Variants in GUCA1C observed in about 807,000 individuals in gnomAD.
GUCA1C encodes the protein guanylyl cyclase-activating protein 3.
A neutral mutation model predicts 16.2 loss-of-function variants in GUCA1C; 15 were observed. The ratio of observed to expected loss-of-function variants is 0.93; its 90% confidence interval spans 0.62 to 1.43. GUCA1C has a LOEUF of 1.43. Among genes scored for constraint, GUCA1C ranks in the 40% most tolerant of loss-of-function variants. The probability of loss-of-function intolerance (pLI) is 0.00; values close to 1 mark genes in which losing one functional copy is unlikely to be tolerated. For missense variants in GUCA1C, 275 were observed against 244.8 expected (o/e 1.12, Z -0.82); for synonymous variants, 78 against 85.4 (o/e 0.91, Z 0.48).
chr3:108,908,551 CAGAT>C lies in GUCA1C; in HGVS notation c.443-346_443-343del, dbSNP rs573898161. On this transcript the variant is annotated intron_variant, in intron 3 of 3. Transcript: ENST00000261047. ...ATATGACCAAGTCTTAGGAGCATGA[CAGAT>C]TGGAGATTTTTAAGATCAAGACAAA... Among the ~76,000 whole-genome samples, 64 of 152,288 alleles carry C rather than the reference CAGAT, an allele frequency of 4.2e-4. 2 individuals are homozygous for C. The East Asian group carries it at 0.012, about 28-fold the overall frequency.
intron 2 of GUCA1C, among the ~76,000 whole-genome samples, chr3:108,918,192 C>T (rs1946536755): frequency 6.6e-6 from 1 of 152,218 alleles, no homozygotes; most frequent in Non-Finnish European, 1.5e-5. Context: ...CCTACGCCCT[C>T]TCTACTCTCC....
In GUCA1C at chr3:108,938,608, C is replaced by T. The variant is rs3804737; in HGVS notation, c.204+14951G>A. ...TTGCGTACAGGATTTATGACCTAGC[C>T]TATTTTCACCCACAGATACTAATAT... is the stretch of plus-strand genomic sequence containing the variant. On this transcript the variant is annotated intron_variant, in intron 1 of 3. Transcript: ENST00000261047. 3.3e-5 allele frequency among the ~76,000 whole-genome samples: 5 copies of T among 152,294 alleles called. No individual in the cohort carries two copies. In the East Asian group the frequency reaches 9.6e-4, roughly 29 times the overall value.
In GUCA1C at chr3:108,920,550, A is replaced by G. The variant is rs944818225; in HGVS notation, c.240T>C (p.Ala80=). 3 of 1,552,556 alleles carry G rather than the reference A, an allele frequency of 1.9e-6. No homozygotes were observed. The African/African-American group carries it at 4.1e-5, about 21-fold the overall frequency. The change falls in exon 2 of 4, where the codon GCT becomes GCC. Residue 80 remains alanine (A), a synonymous_variant. Transcript: ENST00000261047. ...GFVDFLEFIA[A]VNLIMQEKME... is the part of the protein sequence containing the mutation. ...TTTTTTCTTGCATGATTAGATTTAC[A>G]GCAGCAATAAACTCCAAAAAGTCAA...
chr3:108,918,568 T>C (rs532378654), intron 2 of GUCA1C, among the ~76,000 whole-genome samples: 1 of 152,088 alleles, frequency 6.6e-6, no homozygotes, highest in East Asian at 1.9e-4. Flanking sequence ...ACCTGGGGGG[T>C]CCTACTAAAC....
intron 1 of GUCA1C, among the ~76,000 whole-genome samples, chr3:108,946,294 CT>C (rs980426426): frequency 1.3e-5 from 2 of 151,554 alleles, no homozygotes; most frequent in African/African-American, 2.4e-5. Flanking sequence ...TGCCCAGCTA[CT>C]TTTTTTGTGC....
At chr3:108,910,711 GCT>G (rs1473756951) in intron 3 of GUCA1C, among the ~76,000 whole-genome samples, 6 of 151,198 alleles carry the variant, frequency 4.0e-5, no homozygotes, top group African/African-American at 7.3e-5. Flanking sequence ...GTGCAGTGGG[GCT>G]ATCTCGGCTG....
intron 1 of GUCA1C, among the ~76,000 whole-genome samples, chr3:108,942,356 A>G (rs1014264624): frequency 1.3e-5 from 2 of 151,986 alleles, no homozygotes; most frequent in African/African-American, 4.8e-5. Flanking sequence ...CCATCGCTCA[A>G]CCTCTGCTGC....
At chr3:108,944,233 C>T (rs9842454) in intron 1 of GUCA1C, among the ~76,000 whole-genome samples, 23,317 of 151,988 alleles carry the variant, frequency 0.15, 1,963 homozygotes, top group Middle Eastern at 0.26. Context: ...TAAAAGTGAG[C>T]CTACTTAAGT....
intron 2 of GUCA1C, among the ~76,000 whole-genome samples, chr3:108,916,555 T>C (rs1276528543): frequency 6.6e-6 from 1 of 152,220 alleles, no homozygotes; most frequent in Non-Finnish European, 1.5e-5. Flanking sequence ...GATATTGCTC[T>C]CAATTTCAGA....
intron 1 of GUCA1C, among the ~76,000 whole-genome samples, chr3:108,921,327 GTTTA>G (rs1443568646): frequency 2.0e-5 from 3 of 152,062 alleles, no homozygotes; most frequent in Non-Finnish European, 2.9e-5. Flanking sequence ...ATGTACCTCA[GTTTA>G]TTTATCCATT....
chr3:108,943,480 T>A (rs1946811283), intron 1 of GUCA1C, among the ~76,000 whole-genome samples: 1 of 152,066 alleles, frequency 6.6e-6, no homozygotes, highest in South Asian at 2.1e-4. Flanking sequence ...TTAGGAGGCA[T>A]AGCTGTGAAG....
Position 108,949,382 on chromosome 3 carries a change from G to A in GUCA1C, c.204+4177C>T, listed in dbSNP as rs1183712312. ...GGGAAGGTTGGGAGAAGTGTCCTAG[G>A]CACTCCTGCAACCGAAGGTCCAGCA... On this transcript the variant is annotated intron_variant, in intron 1 of 3. Coordinates refer to ENST00000261047, the MANE Select transcript of GUCA1C (RefSeq NM_005459.4). Among the ~76,000 whole-genome samples, 3 of 152,246 alleles carry A rather than the reference G, an allele frequency of 2.0e-5. No individual in the cohort carries two copies. The South Asian group carries it at 6.2e-4, about 32-fold the overall frequency.
intron 1 of GUCA1C, among the ~76,000 whole-genome samples, chr3:108,936,075 G>A (rs1946724607): frequency 1.3e-5 from 2 of 152,056 alleles, no homozygotes; most frequent in Admixed American, 6.6e-5. Context: ...AACCAGCCTG[G>A]GCAACATGGT....
At chr3:108,940,255 A>G (rs2107309797) in intron 1 of GUCA1C, among the ~76,000 whole-genome samples, 1 of 152,370 alleles carries the variant, frequency 6.6e-6, no homozygotes, top group Middle Eastern at 3.4e-3. Flanking sequence ...AATGTATCTT[A>G]TGAATATAAA....
chr3:108,954,621 A>G (rs1279306423), upstream of GUCA1C, among the ~76,000 whole-genome samples: 1 of 152,196 alleles, frequency 6.6e-6, no homozygotes, highest in African/African-American at 2.4e-5. Context: ...TCCAAGGTCC[A>G]GTAGTGGAAA....
At chr3:108,951,464 A>G (rs1946895102) in intron 1 of GUCA1C, among the ~76,000 whole-genome samples, 1 of 152,234 alleles carries the variant, frequency 6.6e-6, no homozygotes, top group Admixed American at 6.5e-5. Context: ...CGAACTTATA[A>G]AAACACAAAG....
At chr3:108,925,210 A>T (rs562843115) in intron 1 of GUCA1C, among the ~76,000 whole-genome samples, 2 of 151,784 alleles carry the variant, frequency 1.3e-5, no homozygotes, top group Middle Eastern at 3.4e-3. Flanking sequence ...CAGTTCCGTG[A>T]GGTGTGACCT....
At chr3:108,951,823 G>A (rs1271113117) in intron 1 of GUCA1C, among the ~76,000 whole-genome samples, 5 of 152,188 alleles carry the variant, frequency 3.3e-5, no homozygotes, top group Non-Finnish European at 7.3e-5. Flanking sequence ...GACACTGAGA[G>A]GGCTCTCACA....
intron 1 of GUCA1C, among the ~76,000 whole-genome samples, chr3:108,933,061 C>T (rs1460721776): frequency 1.3e-5 from 2 of 152,140 alleles, no homozygotes; most frequent in Non-Finnish European, 2.9e-5. Flanking sequence ...CCCCCTTCCT[C>T]TCTCATCTGC....
Sources: gnomAD v4.1 joint callset for allele counts (sites outside exome capture counted in the v4.1 genomes callset) on GRCh38, gnomAD v4.1.1 for gene constraint, MANE v1.5 for transcripts, NCBI Gene and HGNC (gene_info 2026-07-23, HGNC 2026-07-21) for gene names.